CFAP58: variants seen among roughly 807,000 people sequenced by gnomAD.
The protein encoded by CFAP58 is cilia and flagella associated protein 58.
Under a neutral mutation model 119.5 loss-of-function variants are expected in CFAP58, and 88 were observed. The ratio of observed to expected loss-of-function variants is 0.74; its 90% CI spans 0.62 to 0.88. The LOEUF (loss-of-function observed/expected upper bound fraction) is 0.88, where lower values mean the gene tolerates loss of function less well. Ranked by LOEUF, CFAP58 falls within the 40% of genes least tolerant of loss-of-function variation. The probability of loss-of-function intolerance (pLI) is 0.00; values close to 1 mark genes in which losing one functional copy is unlikely to be tolerated. For synonymous variants in CFAP58, 365 were observed against 366.3 expected (o/e 1.00, Z 0.04); for missense variants, 990 against 1,021.2 (o/e 0.97, Z 0.42).
At chr10:104,354,137 T>C (rs2014508246) in intron 1 of CFAP58, among the ~76,000 whole-genome samples, 1 of 152,232 alleles carries the variant, frequency 6.6e-6, no homozygotes, top group Non-Finnish European at 1.5e-5. Flanking sequence ...ATCGGCGCTA[T>C]GCTAAGTGCG....
At chr10:104,444,339 G>A (rs1419942796) in intron 15 of CFAP58, among the ~76,000 whole-genome samples, 1 of 152,238 alleles carries the variant, frequency 6.6e-6, no homozygotes, top group Non-Finnish European at 1.5e-5. Flanking sequence ...AGTAAAGAAG[G>A]ACAGGATATG....
At chr10:104,412,122 C>T (rs1244254121) in intron 15 of CFAP58, among the ~76,000 whole-genome samples, 1 of 152,176 alleles carries the variant, frequency 6.6e-6, no homozygotes, top group Non-Finnish European at 1.5e-5. Context: ...TTGTTTTACT[C>T]AGCATGTCTA....
intron 11 of CFAP58, among the ~76,000 whole-genome samples, chr10:104,398,972 G>A (rs1468459504): frequency 6.6e-6 from 1 of 152,120 alleles, no homozygotes; most frequent in Non-Finnish European, 1.5e-5. Context: ...GGTACACACA[G>A]AGGCCTCCCC....
At chr10:104,430,538 G>T (rs1240420587) in intron 15 of CFAP58, among the ~76,000 whole-genome samples, 1 of 152,166 alleles carries the variant, frequency 6.6e-6, no homozygotes, top group Non-Finnish European at 1.5e-5. Context: ...AGTGCTTTAT[G>T]GAACAATTTG....
chr10:104,369,780 G>A (rs999508486), intron 6 of CFAP58, among the ~76,000 whole-genome samples: 2 of 152,090 alleles, frequency 1.3e-5, no homozygotes, highest in Non-Finnish European at 2.9e-5. Context: ...AGCTAATTTT[G>A]GTCTCTTCAT....
chr10:104,445,747 G>A (rs191064926), intron 15 of CFAP58, among the ~76,000 whole-genome samples: 126 of 152,324 alleles, frequency 8.3e-4, no homozygotes, highest in African/African-American at 2.9e-3. Flanking sequence ...GGACTGTGGA[G>A]GCACCATTAA....
At chr10:104,437,577 T>G (rs1398415498) in intron 15 of CFAP58, among the ~76,000 whole-genome samples, 1 of 152,160 alleles carries the variant, frequency 6.6e-6, no homozygotes, top group African/African-American at 2.4e-5. Flanking sequence ...ATGAAGTCAA[T>G]GCAACTTCAT....
Position 104,380,092 on chromosome 10 carries a change from G to A in CFAP58, c.1237G>A (p.Ala413Thr), listed in dbSNP as rs146462239. The A allele has an allele frequency of 3.9e-4, 632 of 1,614,126 alleles. 1 individual carries two copies. In the Middle Eastern group the frequency reaches 0.011, roughly 29 times the overall value. ...QTDLVKLHEQ[A>T]KRNLEGEIQN... ...AGACTTGGTAAAGCTCCATGAACAA[G>A]CCAAGAGGAACCTGGAGGGAGAAAT... The change falls in exon 9 of 18, where the codon GCC becomes ACC. Residue 413 changes from alanine (A) to threonine (T), a missense_variant. Coordinates refer to ENST00000369704, the MANE Select transcript of CFAP58 (RefSeq NM_001008723.2).
At chr10:104,394,734 C>A (rs2012117222) in intron 11 of CFAP58, among the ~76,000 whole-genome samples, 1 of 152,164 alleles carries the variant, frequency 6.6e-6, no homozygotes, top group African/African-American at 2.4e-5. Context: ...GAAGATTCTG[C>A]ATTGTTTTTT....
At chr10:104,381,885 T>C (rs1004914709) in intron 9 of CFAP58, among the ~76,000 whole-genome samples, 13 of 152,302 alleles carry the variant, frequency 8.5e-5, no homozygotes, top group Admixed American at 6.5e-5. Flanking sequence ...ATATTTCTCT[T>C]CTGACTTAAC....
intron 1 of CFAP58, among the ~76,000 whole-genome samples, chr10:104,357,927 AT>A (rs1287881173): frequency 8.4e-6 from 1 of 119,750 alleles, no homozygotes; most frequent in Non-Finnish European, 1.6e-5. Context: ...ATATGTACAC[AT>A]ATACACACAT....
intron 15 of CFAP58, among the ~76,000 whole-genome samples, chr10:104,419,562 C>CT (rs573751667): frequency 6.7e-4 from 96 of 143,124 alleles, no homozygotes; most frequent in South Asian, 1.3e-3. Flanking sequence ...TATCTGTGTC[C>CT]TTTTTTTTTT....
rs149682975 is a variant in CFAP58 at position 104,380,165 on chromosome 10, A to G, written c.1310A>G (p.His437Arg). ...CAGAAGCAGAGAAAGATCATCTTTC[A>G]TCTGGAAAAGGAGCGTGACCGGTAC... ...EAQKQRKIIF[H>R]LEKERDRYIN... The change falls in exon 9 of 18, where the codon CAT becomes CGT. Residue 437 changes from histidine (H) to arginine (R), a missense_variant. Transcript: ENST00000369704. The G allele has an allele frequency of 7.5e-4, 1,218 of 1,614,058 alleles. 1 individual carries two copies. Among genetic ancestry groups the G allele is most frequent in the Admixed American group, 1.7e-3 (99 of 59,996 alleles).
At chr10:104,389,332 T>C (rs931591916) in intron 9 of CFAP58, among the ~76,000 whole-genome samples, 1 of 152,236 alleles carries the variant, frequency 6.6e-6, no homozygotes, top group Non-Finnish European at 1.5e-5. Flanking sequence ...TTGTGCATGT[T>C]GTCTGCAGAA....
At position 104,400,829 on chromosome 10, in the gene CFAP58, C is replaced by T. The variant is rs756896328; in HGVS notation, c.1965C>T (p.Leu655=). The change falls in exon 13 of 18, where the codon CTC becomes CTT. Residue 655 remains leucine, a synonymous_variant. Transcript: ENST00000369704. ...AGAGGTTGGAGGACATGAGAATCCT[C>T]AGACTTGAGATCAAGAAGCTTCGCC... is the stretch of plus-strand genomic sequence containing the variant. ...YNQRLEDMRI[L]RLEIKKLRRE... The T allele has an allele frequency of 5.6e-6, 9 of 1,614,152 alleles. No homozygotes were observed. In the Admixed American group the frequency reaches 1.5e-4, roughly 27 times the overall value.
At chr10:104,451,544 A>T (rs990962476) in intron 17 of CFAP58, among the ~76,000 whole-genome samples, 23 of 152,184 alleles carry the variant, frequency 1.5e-4, no homozygotes, top group African/African-American at 5.3e-4. Context: ...TTCTCAGGTG[A>T]TTTTCATGCA....
At chr10:104,453,761 A>AGTGT (rs56666132) in intron 17 of CFAP58, among the ~76,000 whole-genome samples, 6,443 of 138,878 alleles carry the variant, frequency 0.046, 155 homozygotes, top group East Asian at 0.099. Flanking sequence ...CATGAATATG[A>AGTGT]GTGTGTGTGT....
chr10:104,376,502 C>CAAAAAAAAAA (rs1282859666), intron 7 of CFAP58, among the ~76,000 whole-genome samples: 2 of 48,222 alleles, frequency 4.1e-5, no homozygotes, highest in African/African-American at 6.7e-5. Flanking sequence ...AACTCCGTCT[C>CAAAAAAAAAA]AAAAAAAAAA....
At chr10:104,440,517 A>G (rs2013020362) in intron 15 of CFAP58, among the ~76,000 whole-genome samples, 1 of 152,188 alleles carries the variant, frequency 6.6e-6, no homozygotes. Context: ...CAGTCCAAAC[A>G]TTTATAACCA....
Sources: gnomAD v4.1 joint callset for allele counts (sites outside exome capture counted in the v4.1 genomes callset) on GRCh38, gnomAD v4.1.1 for gene constraint, MANE v1.5 for transcripts, NCBI Gene and HGNC (gene_info 2026-07-23, HGNC 2026-07-21) for gene names.